ZNF398: variants seen among roughly 807,000 people sequenced by gnomAD.
The protein encoded by ZNF398 is zinc finger DNA binding protein ZER6.
In ZNF398, 18 loss-of-function variants were observed where a neutral mutation model predicts 41.9. That is an observed-to-expected ratio of 0.43 (90% CI 0.30 to 0.64). The LOEUF (loss-of-function observed/expected upper bound fraction) is 0.64. Ranked by LOEUF, ZNF398 falls within the 30% of genes least tolerant of loss-of-function variation. The probability of loss-of-function intolerance (pLI) is 0.14; values close to 1 mark genes in which losing one functional copy is unlikely to be tolerated. For missense variants in ZNF398, 669 were observed against 822.8 expected, an observed-to-expected ratio of 0.81 and a Z score of 2.29; for synonymous variants, 260 against 308.8, an observed-to-expected ratio of 0.84 and a Z score of 1.66.
chr7:149,138,101 TGAGGCAGGAGAATAGCTTGAACCCGG>T (rs1309241358), intron 2 of ZNF398, among the ~76,000 whole-genome samples: 2 of 150,404 alleles, frequency 1.3e-5, no homozygotes, highest in African/African-American at 4.9e-5. Flanking sequence ...CTCGGGAGGC[TGAGGCAGGAGAATAGCTTGAACCCGG>T]GAGGCAGAGG....
At position 149,179,418 on chromosome 7, in the gene ZNF398, T is replaced by C. The variant is rs1366212132; in HGVS notation, c.1546T>C (p.Cys516Arg). 1.2e-6 allele frequency: 2 copies of C among 1,614,050 alleles called. No homozygotes were observed. The highest frequency in any genetic ancestry group is 1.7e-6 in the Non-Finnish European group (2 of 1,180,038). The change falls in exon 6 of 6, where the codon TGC becomes CGC. Residue 516 changes from cysteine (C) to arginine (R), a missense_variant. Cys to Arg is a radical substitution (Grantham distance 180, BLOSUM62 -3). Coordinates refer to ENST00000475153, the MANE Select transcript of ZNF398 (RefSeq NM_170686.3). The surrounding 1 kb of genome is among the most constrained non-coding windows in gnomAD (Gnocchi z 6.1). Reference protein sequence around the residue: ...TGERPYPCTDCSKSFMRKEHL... With the variant: ...TGERPYPCTDRSKSFMRKEHL... The stretch of plus-strand genomic sequence containing the variant: ...CGAGCGTCCTTACCCCTGCACTGAC[T>C]GCAGTAAGAGCTTCATGCGCAAGGA...
intron 4 of ZNF398, 43 bp from the exon 5 acceptor site, chr7:149,176,425 T>C (rs781580395): frequency 1.3e-5 from 17 of 1,294,124 alleles, no homozygotes; most frequent in Admixed American, 1.7e-5. Flanking sequence ...TACCTTCTTA[T>C]TCAAGTTCAT....
chr7:149,140,026 A>C (rs1032110988), intron 2 of ZNF398, among the ~76,000 whole-genome samples: 1 of 152,060 alleles, frequency 6.6e-6, no homozygotes, highest in Non-Finnish European at 1.5e-5. Context: ...TAAAATAAAA[A>C]TTTAAAAATA....
In ZNF398 at chr7:149,180,654, G is replaced by A. The variant is rs1236308011; in HGVS notation, c.*853G>A. ...ACAATGACAGAACAGCTTAAAATTT[G>A]TGCCTACACCATGTTCTGAGAGTCG... On this transcript the variant is annotated 3_prime_UTR_variant, in exon 6 of 6. Transcript: ENST00000475153. 7 of 152,166 alleles carry A rather than the reference G, an allele frequency of 4.6e-5. No individual in the cohort carries two copies. Among genetic ancestry groups the A allele is most frequent in the African/African-American group, 1.7e-4 (7 of 41,456 alleles). 9.4% of individuals were successfully genotyped at this position (152,166 alleles called of 1,614,324 possible).
chr7:149,160,532 A>T (rs9718383), intron 2 of ZNF398, among the ~76,000 whole-genome samples: 82,061 of 152,136 alleles, frequency 0.54, 25,669 homozygotes, highest in East Asian at 0.9. Context: ...CTCCATTCCC[A>T]TTAGGACTAG....
Position 149,152,538 on chromosome 7 carries a change from C to T in ZNF398, c.25-1407C>T, listed in dbSNP as rs190425642. Among the ~76,000 whole-genome samples the T allele has an allele frequency of 9.7e-3, 1,462 of 150,946 alleles. 28 individuals carry two copies. The highest frequency in any genetic ancestry group is 0.033 in the African/African-American group (1,373 of 41,120). The stretch of plus-strand genomic sequence containing the variant: ...CCTCCCAAAGTGTTAGGATTGCAGG[C>T]GTGAGCCACCGCGCCTGGCCTAGAT... On this transcript the variant is annotated intron_variant, in intron 1 of 5. Transcript: ENST00000475153.
chr7:149,179,714 G>A lies in ZNF398; in HGVS notation c.1842G>A (p.Gly614=). The A allele has an allele frequency of 6.2e-7, 1 of 1,614,158 alleles. No individual in the cohort carries two copies. Among genetic ancestry groups the A allele is most frequent in the South Asian group, 1.1e-5 (1 of 91,082 alleles). ...PPNPPGPLIT[G]LETSGLGVNT... ...ACCCACCAGGTCCCCTCATAACTGG[G>A]CTTGAAACTTCTGGCCTGGGTGTCA... Residue 614 remains glycine, a synonymous_variant, in exon 6 of 6, where the codon GGG becomes GGA. Transcript: ENST00000475153. This position sits in a 1 kb window ranked among gnomAD's most constrained non-coding sequence, Gnocchi z 6.1.
In ZNF398 at chr7:149,180,045, A is replaced by G. The variant is rs937914984; in HGVS notation, c.*244A>G. The G allele has an allele frequency of 9.6e-6, 4 of 414,586 alleles. No individual in the cohort carries two copies. Among genetic ancestry groups the G allele is most frequent in the African/African-American group, 8.0e-5 (4 of 49,828 alleles). 25.7% of individuals were successfully genotyped at this position (414,586 alleles called of 1,614,324 possible). The stretch of plus-strand genomic sequence containing the variant: ...GCCCAGCATGTCCATCTTTTCAAAG[A>G]TACAACAAAAGCAGAAGTTACAAGA... On this transcript the variant is annotated 3_prime_UTR_variant, in exon 6 of 6. Transcript: ENST00000475153.
At chr7:149,143,330 A>G (rs1826865938), upstream of ZNF398, among the ~76,000 whole-genome samples, 1 of 152,186 alleles carries the variant, frequency 6.6e-6, no homozygotes, top group South Asian at 2.1e-4. Context: ...CCAATAACCA[A>G]TGGTTGCTTG....
At chr7:149,138,669 ATATATT>A (rs1178835326) in intron 2 of ZNF398, among the ~76,000 whole-genome samples, 1 of 152,210 alleles carries the variant, frequency 6.6e-6, no homozygotes, top group African/African-American at 2.4e-5. Flanking sequence ...GTATACATAT[ATATATT>A]TATATAAAAG....
rs957387700 is a variant in ZNF398, at chr7:149,182,323, A to G, written c.*2522A>G. ...GATACTAAGCCTCAGCCCAAGAATA[A>G]AAGAGAGTTCAACTGTTACTCTTTT... On this transcript the variant is annotated 3_prime_UTR_variant, in exon 6 of 6. Coordinates refer to ENST00000475153, the MANE Select transcript of ZNF398 (RefSeq NM_170686.3). 6.6e-6 allele frequency: 1 copy of G among 152,212 alleles called. No homozygotes were observed. The highest frequency in any genetic ancestry group is 2.4e-5 in the African/African-American group (1 of 41,448). The allele number at this position is 152,212 out of a possible 1,614,324, so 9.4% of individuals were successfully genotyped here. A position where few individuals can be genotyped will look rare whatever the true frequency, so the allele number is the denominator to read the frequency against.
Position 149,157,466 on chromosome 7 carries a change from C to G in ZNF398, c.420+3126C>G, listed in dbSNP as rs182807432. Among the ~76,000 whole-genome samples, 573 of 149,274 alleles carry G rather than the reference C, an allele frequency of 3.8e-3. 7 individuals are homozygous for G. The highest frequency in any genetic ancestry group is 0.013 in the African/African-American group (544 of 40,410). On this transcript the variant is annotated intron_variant, in intron 2 of 5. Coordinates refer to ENST00000475153, the MANE Select transcript of ZNF398 (RefSeq NM_170686.3). ...AGGAGAATGGCATGAACCCGGGAGG[C>G]GGAGCTTGCAGTGAGCCAAGATGGC...
intron 2 of ZNF398, among the ~76,000 whole-genome samples, chr7:149,163,643 T>C (rs1267936073): frequency 6.6e-6 from 1 of 152,012 alleles, no homozygotes; most frequent in East Asian, 1.9e-4. Context: ...CCCAGCTAAT[T>C]TTTGTGTTTT....
rs141181361 is a variant in ZNF398 at position 149,137,504 on chromosome 7, C to T, written c.-490+8560C>T. 2.2e-3 allele frequency among the ~76,000 whole-genome samples: 329 copies of T among 152,256 alleles called. 3 individuals carry two copies. The highest frequency in any genetic ancestry group is 7.7e-3 in the African/African-American group (319 of 41,556). On this transcript the variant is annotated intron_variant, in intron 2 of 6. Coordinates refer to the ZNF398 transcript ENST00000426851. ...TCAAGCAATTCTCCCGCCTCAGCCT[C>T]CTGAGTAGCTGGGATAACATGCGTG...
At chr7:149,134,775 GGC>G (rs1826675934) in intron 2 of ZNF398, among the ~76,000 whole-genome samples, 1 of 152,144 alleles carries the variant, frequency 6.6e-6, no homozygotes, top group Non-Finnish European at 1.5e-5. Flanking sequence ...CTGTCGCCCA[GGC>G]GGGAATGCAG....
intron 2 of ZNF398, among the ~76,000 whole-genome samples, chr7:149,159,682 A>G (rs1243039868): frequency 6.6e-6 from 1 of 151,820 alleles, no homozygotes; most frequent in Non-Finnish European, 1.5e-5. Context: ...TTAAATTTGA[A>G]TGCCAAGTTC....
intron 1 of ZNF398, among the ~76,000 whole-genome samples, chr7:149,151,559 G>T (rs1466880256): frequency 6.6e-6 from 1 of 151,996 alleles, no homozygotes; most frequent in Non-Finnish European, 1.5e-5. Context: ...TTGTTTCAAA[G>T]TAAATTATTT....
At chr7:149,162,768 C>T (rs1191870563) in intron 2 of ZNF398, among the ~76,000 whole-genome samples, 1 of 152,016 alleles carries the variant, frequency 6.6e-6, no homozygotes, top group South Asian at 2.1e-4. Flanking sequence ...TAAAATAATT[C>T]ATAGGCTGGC....
At chr7:149,152,677 C>A (rs1291695685) in intron 1 of ZNF398, among the ~76,000 whole-genome samples, 1 of 151,694 alleles carries the variant, frequency 6.6e-6, no homozygotes, top group African/African-American at 2.4e-5. Flanking sequence ...AGCGATTGTC[C>A]TGCCTCAGCC....
Sources: gnomAD v4.1 joint callset for allele counts (sites outside exome capture counted in the v4.1 genomes callset) on GRCh38, gnomAD v4.1.1 for gene constraint, Gnocchi (gnomAD v3.1) non-coding constraint, MANE v1.5 for transcripts, NCBI Gene and HGNC (gene_info 2026-07-23, HGNC 2026-07-21) for gene names.